ROBO1: variants seen among roughly 807,000 people sequenced by gnomAD.
The protein encoded by ROBO1 is roundabout homolog 1.
In ROBO1, 149 loss-of-function variants were observed where a neutral mutation model predicts 195.9. The observed-to-expected ratio is 0.76, with a 90% CI of 0.67 to 0.87. The LOEUF (loss-of-function observed/expected upper bound fraction) is 0.87. Ranked by LOEUF, ROBO1 falls within the 40% of genes least tolerant of loss-of-function variation. ROBO1 has a pLI of 0.00. For synonymous variants in ROBO1, 816 were observed against 733.2 expected, an observed-to-expected ratio of 1.11 and a Z score of -1.82; for missense variants, 1,933 against 2,068.3, an observed-to-expected ratio of 0.93 and a Z score of 1.27.
chr3:78,955,367 C>G (rs777003919), intron 3 of ROBO1, among the ~76,000 whole-genome samples: 2 of 152,102 alleles, frequency 1.3e-5, no homozygotes, highest in Non-Finnish European at 2.9e-5. Flanking sequence ...TCCTCCCAAC[C>G]TTCACCCTCC....
intron 20 of ROBO1, among the ~76,000 whole-genome samples, chr3:78,646,584 A>C (rs536271500): frequency 1.4e-4 from 19 of 136,950 alleles, no homozygotes; most frequent in Non-Finnish European, 3.1e-5. Context: ...TCATAATTTT[A>C]TATAGGTGTA....
intron 4 of ROBO1, among the ~76,000 whole-genome samples, chr3:78,763,171 G>A (rs1188974498): frequency 2.0e-5 from 3 of 152,100 alleles, no homozygotes; most frequent in Non-Finnish European, 4.4e-5. Flanking sequence ...AAAATATCCA[G>A]CATTTTATGG....
intron 2 of ROBO1, among the ~76,000 whole-genome samples, chr3:79,467,223 T>C (rs1938009705): frequency 6.6e-6 from 1 of 152,026 alleles, no homozygotes; most frequent in East Asian, 1.9e-4. Context: ...CTGAATAATG[T>C]ACATTAGACC....
At chr3:78,748,907 C>T (rs1245984566) in intron 4 of ROBO1, among the ~76,000 whole-genome samples, 2 of 152,136 alleles carry the variant, frequency 1.3e-5, no homozygotes, top group African/African-American at 4.8e-5. Context: ...TAAATTCTAA[C>T]TTCAATACTA....
At chr3:79,307,184 ATC>A (rs1170825023) in intron 2 of ROBO1, among the ~76,000 whole-genome samples, 3 of 152,094 alleles carry the variant, frequency 2.0e-5, no homozygotes, top group African/African-American at 7.2e-5. Flanking sequence ...AGCCAGTGTT[ATC>A]TGAGCCAATC....
At chr3:78,989,520 G>A (rs557543819) in intron 3 of ROBO1, among the ~76,000 whole-genome samples, 15 of 152,076 alleles carry the variant, frequency 9.9e-5, no homozygotes, top group Non-Finnish European at 2.2e-4. Flanking sequence ...AGGCTGACGT[G>A]GGAGGATCAC....
chr3:79,536,084 A>G (rs545903165), intron 2 of ROBO1, among the ~76,000 whole-genome samples: 2 of 152,238 alleles, frequency 1.3e-5, no homozygotes, highest in South Asian at 4.1e-4. Flanking sequence ...ATATCTCTAA[A>G]TAATTTGTAC....
At chr3:79,244,864 C>T (rs2082594706) in intron 2 of ROBO1, among the ~76,000 whole-genome samples, 1 of 151,934 alleles carries the variant, frequency 6.6e-6, no homozygotes, top group Non-Finnish European at 1.5e-5. Context: ...GAATATACTT[C>T]ATTTTTTTTC....
intron 4 of ROBO1, among the ~76,000 whole-genome samples, chr3:78,754,222 A>G (rs1489203691): frequency 6.6e-6 from 1 of 152,210 alleles, no homozygotes; most frequent in African/African-American, 2.4e-5. Context: ...ATTAGTCACT[A>G]TGTAAGGAAT....
At chr3:79,406,995 C>T (rs746457891) in intron 2 of ROBO1, among the ~76,000 whole-genome samples, 37 of 152,080 alleles carry the variant, frequency 2.4e-4, no homozygotes, top group African/African-American at 8.0e-4. Flanking sequence ...CTTGGCTCAC[C>T]GCAACCTCCA....
At chr3:79,437,021 T>A (rs1037141667) in intron 2 of ROBO1, among the ~76,000 whole-genome samples, 1 of 152,068 alleles carries the variant, frequency 6.6e-6, no homozygotes, top group Non-Finnish European at 1.5e-5. Flanking sequence ...TGCAAAGAAA[T>A]TAATTTTGTG....
intron 3 of ROBO1, among the ~76,000 whole-genome samples, chr3:79,115,140 C>T (rs2079968934): frequency 1.3e-5 from 2 of 152,160 alleles, no homozygotes; most frequent in African/African-American, 4.8e-5. Context: ...CCATCATGAA[C>T]TGGGTGATGG....
rs1296409381 is a variant in ROBO1, at chr3:78,788,438, T to A, written c.500-41538A>T. On this transcript the variant is annotated intron_variant, in intron 4 of 30. Coordinates refer to ENST00000464233, the MANE Select transcript of ROBO1 (RefSeq NM_002941.4). The stretch of plus-strand genomic sequence containing the variant: ...CAGCCTCTCTTTTCTTTTTTTTTTT[T>A]TTAAAAAAAAAAAAAAAAAAAAAAG... Among the ~76,000 whole-genome samples the A allele has an allele frequency of 4.1e-3, 545 of 134,484 alleles. 2 individuals carry two copies. Among genetic ancestry groups the A allele is most frequent in the African/African-American group, 8.3e-3 (291 of 35,190 alleles). The allele number at this position is 134,484 out of a possible 152,430, so 88.2% of individuals were successfully genotyped here. A position where few individuals can be genotyped will look rare whatever the true frequency, so the allele number is the denominator to read the frequency against.
In ROBO1 at chr3:79,507,746, A is replaced by C. The variant is rs1048710918; in HGVS notation, c.88+82078T>G. On this transcript the variant is annotated intron_variant, in intron 2 of 30. Coordinates refer to ENST00000464233, the MANE Select transcript of ROBO1 (RefSeq NM_002941.4). The stretch of plus-strand genomic sequence containing the variant: ...TCTTCACAATATAACATTTAGCAAC[A>C]TTCAGGAAGGTATCCATGATTTTGT... 4 of 153,954 alleles carry C rather than the reference A, an allele frequency of 2.6e-5. No homozygotes were observed. In the Admixed American group the frequency reaches 2.6e-4, roughly 10 times the overall value. 9.5% of individuals were successfully genotyped at this position (153,954 alleles called of 1,614,324 possible).
At chr3:78,973,469 G>A (rs1156871746) in intron 3 of ROBO1, among the ~76,000 whole-genome samples, 1 of 140,388 alleles carries the variant, frequency 7.1e-6, no homozygotes, top group East Asian at 2.1e-4. Flanking sequence ...TATATAAGAA[G>A]CTATATATAT....
At chr3:78,966,820 T>C (rs1257039108) in intron 3 of ROBO1, among the ~76,000 whole-genome samples, 2 of 152,166 alleles carry the variant, frequency 1.3e-5, no homozygotes, top group Non-Finnish European at 2.9e-5. Flanking sequence ...TCAGATCTGG[T>C]CTCTCTGTAG....
chr3:79,424,795 T>C (rs867021726), intron 2 of ROBO1, among the ~76,000 whole-genome samples: 1 of 152,088 alleles, frequency 6.6e-6, no homozygotes, highest in Non-Finnish European at 1.5e-5. Context: ...ATTTTCTGTT[T>C]TGTGAAGATA....
intron 2 of ROBO1, among the ~76,000 whole-genome samples, chr3:79,323,235 C>T (rs918637794): frequency 6.6e-6 from 1 of 152,072 alleles, no homozygotes; most frequent in African/African-American, 2.4e-5. Flanking sequence ...GCACATGCCA[C>T]CACGTCTGGC....
chr3:78,695,472 A>G (rs1429877484), intron 8 of ROBO1, among the ~76,000 whole-genome samples: 1 of 151,850 alleles, frequency 6.6e-6, no homozygotes, highest in Admixed American at 6.6e-5. Flanking sequence ...AAAATTACAA[A>G]AAGTTACCCA....
Sources: allele counts gnomAD v4.1 joint callset (sites outside exome capture counted in the v4.1 genomes callset), GRCh38; gene constraint gnomAD v4.1.1; transcripts MANE v1.5; gene names NCBI Gene and HGNC (gene_info 2026-07-23, HGNC 2026-07-21).